The following PRKG1 variants were observed in gnomAD, a reference collection of about 807,000 sequenced individuals.
PRKG1 encodes the protein cGMP-dependent protein kinase 1.
In PRKG1, 35 loss-of-function variants were observed where a neutral mutation model predicts 88.1. The observed-to-expected ratio is 0.40, with a 90% CI of 0.30 to 0.53. The LOEUF is 0.53. PRKG1 is among the 20% of genes least tolerant of loss of function. PRKG1 has a pLI of 0.59. For synonymous variants in PRKG1, 303 were observed against 292.5 expected, an observed-to-expected ratio of 1.04 and a Z score of -0.37; for missense variants, 540 against 839.8, an observed-to-expected ratio of 0.64 and a Z score of 4.41.
chr10:51,431,838 T>A (rs1231340353), intron 2 of PRKG1, among the ~76,000 whole-genome samples: 1 of 152,184 alleles, frequency 6.6e-6, no homozygotes, highest in Non-Finnish European at 1.5e-5. Context: ...TAACAATAAT[T>A]TGTTAGTTTG....
chr10:52,114,877 T>C (rs1040512914), intron 7 of PRKG1, among the ~76,000 whole-genome samples: 2 of 151,316 alleles, frequency 1.3e-5, no homozygotes, highest in African/African-American at 4.9e-5. Flanking sequence ...TGGCTGTGAA[T>C]GGAGCATTGT....
chr10:51,383,059 T>C (rs918997910), intron 2 of PRKG1, among the ~76,000 whole-genome samples: 2 of 152,270 alleles, frequency 1.3e-5, no homozygotes, highest in African/African-American at 4.8e-5. Flanking sequence ...GGGCTTATAA[T>C]GATTGGCTCA....
chr10:52,153,965 G>C (rs529529204), intron 8 of PRKG1, among the ~76,000 whole-genome samples: 1 of 151,972 alleles, frequency 6.6e-6, no homozygotes, highest in South Asian at 2.1e-4. Context: ...GGCTGGTCTC[G>C]AACTCCTGAC....
At chr10:51,416,647 A>G (rs529967319) in intron 2 of PRKG1, among the ~76,000 whole-genome samples, 1 of 152,334 alleles carries the variant, frequency 6.6e-6, no homozygotes, top group Admixed American at 6.5e-5. Context: ...GCACAGTGCC[A>G]GGCAGATGCA....
chr10:52,113,700 T>C (rs1446173602), intron 7 of PRKG1, among the ~76,000 whole-genome samples: 1 of 152,132 alleles, frequency 6.6e-6, no homozygotes, highest in African/African-American at 2.4e-5. Flanking sequence ...CAAATGATCA[T>C]TGTAAGTCTC....
intron 3 of PRKG1, among the ~76,000 whole-genome samples, chr10:51,764,322 G>A (rs17628884): frequency 0.077 from 11,653 of 151,764 alleles, 486 homozygotes; most frequent in East Asian, 0.092. Context: ...AATGCTGGAA[G>A]GTTTAAAAGT....
intron 4 of PRKG1, among the ~76,000 whole-genome samples, chr10:51,875,844 C>T (rs1396230305): frequency 1.3e-5 from 2 of 151,988 alleles, no homozygotes; most frequent in Non-Finnish European, 2.9e-5. Flanking sequence ...GTCGTTGTGG[C>T]CAAGCATACG....
At chr10:52,067,554 A>G (rs2133278843) in intron 7 of PRKG1, among the ~76,000 whole-genome samples, 1 of 152,262 alleles carries the variant, frequency 6.6e-6, no homozygotes, top group East Asian at 1.9e-4. Context: ...AACAAGCTTT[A>G]TTTTCTTGTT....
intron 2 of PRKG1, among the ~76,000 whole-genome samples, chr10:51,209,776 A>G (rs557118462): frequency 6.6e-6 from 1 of 152,248 alleles, no homozygotes; most frequent in South Asian, 2.1e-4. Flanking sequence ...CTTTCTCTGT[A>G]TTTTCAAAAG....
intron 2 of PRKG1, among the ~76,000 whole-genome samples, chr10:51,460,325 A>G (rs557411423): frequency 5.9e-5 from 9 of 152,108 alleles, no homozygotes; most frequent in Non-Finnish European, 1.2e-4. Flanking sequence ...TACTCTTGCC[A>G]TTTTCCTGCC....
At chr10:51,165,533 T>G (rs1355217598) in intron 2 of PRKG1, among the ~76,000 whole-genome samples, 1 of 151,986 alleles carries the variant, frequency 6.6e-6, no homozygotes. Flanking sequence ...AGGATCAAAT[T>G]CACACATAAC....
At chr10:51,801,565 G>A (rs1839174609) in intron 3 of PRKG1, among the ~76,000 whole-genome samples, 1 of 152,100 alleles carries the variant, frequency 6.6e-6, no homozygotes, top group Non-Finnish European at 1.5e-5. Flanking sequence ...AATATGAGCT[G>A]AATAAATATT....
chr10:51,699,912 C>T (rs970074120), intron 3 of PRKG1, among the ~76,000 whole-genome samples: 1 of 152,240 alleles, frequency 6.6e-6, no homozygotes, highest in South Asian at 2.1e-4. Flanking sequence ...GGAGGGGACT[C>T]TTCCCTTGAC....
chr10:51,165,337 C>A (rs997273348), intron 2 of PRKG1, among the ~76,000 whole-genome samples: 2 of 151,578 alleles, frequency 1.3e-5, no homozygotes, highest in Admixed American at 1.3e-4. Flanking sequence ...CCTTTACAGA[C>A]AAGCAAATGC....
intron 3 of PRKG1, among the ~76,000 whole-genome samples, chr10:51,687,093 A>G (rs1171172042): frequency 1.3e-5 from 2 of 152,130 alleles, no homozygotes; most frequent in Non-Finnish European, 2.9e-5. Context: ...TTGAATTTAA[A>G]TTGTTGTTTG....
At chr10:51,876,072 G>A (rs1231971132) in intron 4 of PRKG1, among the ~76,000 whole-genome samples, 3 of 151,970 alleles carry the variant, frequency 2.0e-5, no homozygotes, top group African/African-American at 7.3e-5. Flanking sequence ...GAAGGGGAAA[G>A]GAACTACCTT....
At chr10:52,248,793 G>A (rs777205591) in intron 9 of PRKG1, among the ~76,000 whole-genome samples, 2 of 151,996 alleles carry the variant, frequency 1.3e-5, no homozygotes, top group Non-Finnish European at 2.9e-5. Context: ...AAGTCGAGAG[G>A]TCTTTGCTGT....
intron 5 of PRKG1, among the ~76,000 whole-genome samples, chr10:51,958,958 A>G (rs1843380303): frequency 1.3e-5 from 2 of 152,142 alleles, no homozygotes; most frequent in African/African-American, 4.8e-5. Flanking sequence ...TGTGCCAAAT[A>G]CTGTAGTCAG....
intron 3 of PRKG1, among the ~76,000 whole-genome samples, chr10:51,668,292 A>G (rs1395056940): frequency 6.6e-6 from 1 of 152,216 alleles, no homozygotes; most frequent in African/African-American, 2.4e-5. Flanking sequence ...AGCCTCTGCC[A>G]GATTTTGTAC....
Sources: gnomAD v4.1 joint callset for allele counts (sites outside exome capture counted in the v4.1 genomes callset) on GRCh38, gnomAD v4.1.1 for gene constraint, MANE v1.5 for transcripts, NCBI Gene and HGNC (gene_info 2026-07-23, HGNC 2026-07-21) for gene names.